The following TASP1 variants were observed in gnomAD, a reference collection of about 807,000 sequenced individuals.
The protein encoded by TASP1 is taspase 1, also known as threonine aspartase 1.
TASP1 carries 16 observed loss-of-function variants against 56.6 expected under a neutral mutation model. The ratio of observed to expected loss-of-function variants is 0.28; its 90% CI spans 0.19 to 0.43. The LOEUF is 0.43. Among genes scored for constraint, TASP1 ranks in the 20% least tolerant of loss-of-function variants. The probability of loss-of-function intolerance (pLI) is 1.00; values close to 1 mark genes in which losing one functional copy is unlikely to be tolerated. For missense variants in TASP1, 393 were observed against 511.6 expected (o/e 0.77, Z 2.24); for synonymous variants, 179 against 184.2 (o/e 0.97, Z 0.23).
At chr20:13,507,568 T>G (rs146440118) in intron 10 of TASP1, among the ~76,000 whole-genome samples, 65 of 151,882 alleles carry the variant, frequency 4.3e-4, no homozygotes, top group African/African-American at 1.5e-3. Flanking sequence ...AAAATAATGA[T>G]GAAGAAACTG....
chr20:13,124,803 C>CA, the TASP1 span, among the ~76,000 whole-genome samples: 1 of 152,146 alleles, frequency 6.6e-6, no homozygotes, highest in Non-Finnish European at 1.5e-5. Context: ...AAGTGATGGG[C>CA]AGGGACCAGG....
At chr20:13,182,409 CT>C in the TASP1 span, among the ~76,000 whole-genome samples, 2 of 152,100 alleles carry the variant, frequency 1.3e-5, no homozygotes, top group Non-Finnish European at 2.9e-5. Flanking sequence ...ATCATCTGCT[CT>C]CTGATATAGT....
At chr20:13,325,745 C>A in the TASP1 span, among the ~76,000 whole-genome samples, 2 of 152,226 alleles carry the variant, frequency 1.3e-5, no homozygotes, top group South Asian at 4.1e-4. Context: ...TCCATTTGAA[C>A]CTGATTTTTC....
chr20:13,629,019 G>A (rs1048258331), intron 2 of TASP1, among the ~76,000 whole-genome samples: 2 of 152,192 alleles, frequency 1.3e-5, no homozygotes, highest in Non-Finnish European at 2.9e-5. Context: ...ACCAGTGTCT[G>A]AAGTCTCTTA....
chr20:13,415,444 C>CTTT (rs368921864), intron 13 of TASP1, among the ~76,000 whole-genome samples: 17 of 133,038 alleles, frequency 1.3e-4, no homozygotes, highest in Middle Eastern at 3.8e-3. Context: ...TTGGGGTTTT[C>CTTT]TTTTTTTTTT....
intron 11 of TASP1, among the ~76,000 whole-genome samples, chr20:13,463,872 G>A (rs2044150432): frequency 6.6e-6 from 1 of 152,078 alleles, no homozygotes; most frequent in African/African-American, 2.4e-5. Context: ...GTATTGGTGA[G>A]GATGTAAAGA....
chr20:13,225,245 G>A, the TASP1 span, among the ~76,000 whole-genome samples: 9 of 152,070 alleles, frequency 5.9e-5, no homozygotes, highest in African/African-American at 2.2e-4. Context: ...TAGGTAATTT[G>A]CCCAAGGTTG....
At chr20:13,212,000 A>G in the TASP1 span, among the ~76,000 whole-genome samples, 1 of 152,176 alleles carries the variant, frequency 6.6e-6, no homozygotes, top group African/African-American at 2.4e-5. Flanking sequence ...CTATGACACT[A>G]CGATCTTCAT....
rs549489674 is a variant in TASP1 at position 13,467,964 on chromosome 20, C to T, written c.985+15263G>A. Among the ~76,000 whole-genome samples the T allele has an allele frequency of 3.1e-4, 20 of 63,902 alleles. 1 individual carries two copies. The highest frequency in any genetic ancestry group is 6.0e-4 in the African/African-American group (16 of 26,528). 41.9% of individuals were successfully genotyped at this position (63,902 alleles called of 152,430 possible). On this transcript the variant is annotated intron_variant, in intron 11 of 13. Coordinates refer to ENST00000337743, the MANE Select transcript of TASP1 (RefSeq NM_017714.3). ...CCAGGAGGCGGAGGGTTCAGTGAGGCGAGGTTGCACCATTGCATTCCAGCC... is the reference window on the plus strand; with the variant it reads ...CCAGGAGGCGGAGGGTTCAGTGAGGTGAGGTTGCACCATTGCATTCCAGCC...
chr20:13,269,360 A>G, the TASP1 span, among the ~76,000 whole-genome samples: 1 of 152,230 alleles, frequency 6.6e-6, no homozygotes. Flanking sequence ...CCCCATAGTG[A>G]TAAAGAAATG....
chr20:13,359,221 C>G, the TASP1 span, among the ~76,000 whole-genome samples: 1 of 146,628 alleles, frequency 6.8e-6, no homozygotes, highest in East Asian at 2.0e-4. Context: ...GAACCTCCTC[C>G]CACAGGAGCT....
At chr20:13,131,686 T>A in the TASP1 span, among the ~76,000 whole-genome samples, 2 of 152,174 alleles carry the variant, frequency 1.3e-5, no homozygotes, top group African/African-American at 4.8e-5. Flanking sequence ...CTCTATCACC[T>A]CTCACCTGGA....
chr20:13,180,866 A>G, the TASP1 span, among the ~76,000 whole-genome samples: 1 of 152,182 alleles, frequency 6.6e-6, no homozygotes, highest in African/African-American at 2.4e-5. Flanking sequence ...AATGAACCCA[A>G]TGATCTGGTT....
At chr20:13,249,761 C>T in the TASP1 span, among the ~76,000 whole-genome samples, 1 of 151,758 alleles carries the variant, frequency 6.6e-6, no homozygotes, top group East Asian at 2.0e-4. Context: ...TTTTCTCAGC[C>T]TCCATCATTT....
intron 11 of TASP1, among the ~76,000 whole-genome samples, chr20:13,450,965 T>C (rs1038552804): frequency 7.9e-5 from 12 of 152,082 alleles, no homozygotes; most frequent in African/African-American, 2.9e-4. Context: ...ATGTATTCCT[T>C]AAATAATAAA....
rs1456214928 is a variant in TASP1, at chr20:13,599,375, C to G, written c.283-12005G>C. Among the ~76,000 whole-genome samples the G allele has an allele frequency of 2.0e-5, 3 of 152,218 alleles. No homozygotes were observed. The East Asian group carries it at 5.8e-4, about 29-fold the overall frequency. ...AAAAAGGATGAGTTCATGTCCTTTG[C>G]AGGGACATGGAAGAAGCTGGAAACC... is the stretch of plus-strand genomic sequence containing the variant. On this transcript the variant is annotated intron_variant, in intron 4 of 13. Coordinates refer to ENST00000337743, the MANE Select transcript of TASP1 (RefSeq NM_017714.3).
chr20:13,170,922 T>C, the TASP1 span, among the ~76,000 whole-genome samples: 1 of 152,174 alleles, frequency 6.6e-6, no homozygotes, highest in Non-Finnish European at 1.5e-5. Flanking sequence ...GGATGTGTAA[T>C]GGCTTCGCTG....
Position 13,402,603 on chromosome 20 carries a change from G to A in TASP1, c.1171-12151C>T, listed in dbSNP as rs141835438. On this transcript the variant is annotated intron_variant, in intron 13 of 13. Transcript: ENST00000337743. ...ACCATCCCGAGGCAGTTGGCTTCCC[G>A]CCAGGGATCAGATGCCTTTAGTTGT... is the stretch of plus-strand genomic sequence containing the variant. Among the ~76,000 whole-genome samples the A allele has an allele frequency of 2.8e-4, 42 of 152,280 alleles. No homozygotes were observed. The East Asian group carries it at 3.3e-3, about 12-fold the overall frequency.
the TASP1 span, chr20:13,299,062 G>C: frequency 6.2e-7 from 1 of 1,613,818 alleles, no homozygotes; most frequent in East Asian, 2.2e-5. This position sits in a 1 kb window ranked among gnomAD's most constrained non-coding sequence, Gnocchi z 5.8. Flanking sequence ...GTGGCCTACA[G>C]CACGGCCGAC....
Sources: allele counts gnomAD v4.1 joint callset (sites outside exome capture counted in the v4.1 genomes callset), GRCh38; gene constraint gnomAD v4.1.1; non-coding constraint Gnocchi (gnomAD v3.1); transcripts MANE v1.5; gene names NCBI Gene and HGNC (gene_info 2026-07-23, HGNC 2026-07-21).